The following BICC1 variants were observed in gnomAD, a reference collection of about 807,000 sequenced individuals.
The protein encoded by BICC1 is BicC family RNA binding protein 1.
BICC1 carries 43 observed loss-of-function variants against 111.0 expected under a neutral mutation model. That is an observed-to-expected ratio of 0.39 (90% CI 0.30 to 0.50). The LOEUF (loss-of-function observed/expected upper bound fraction) is 0.50. BICC1 is among the 20% of genes least tolerant of loss of function. The pLI, the probability that BICC1 is intolerant of heterozygous loss-of-function variation, is 0.88. For synonymous variants in BICC1, 467 were observed against 434.4 expected (o/e 1.07, Z -0.93); for missense variants, 1,091 against 1,203.2 (o/e 0.91, Z 1.38).
intron 2 of BICC1, among the ~76,000 whole-genome samples, chr10:58,625,977 A>C (rs1845978529): frequency 6.6e-6 from 1 of 152,218 alleles, no homozygotes; most frequent in African/African-American, 2.4e-5. Flanking sequence ...CTGGCTCATG[A>C]ATGTGCTTTT....
chr10:58,635,941 A>G (rs530006390), intron 2 of BICC1, among the ~76,000 whole-genome samples: 1 of 152,288 alleles, frequency 6.6e-6, no homozygotes, highest in East Asian at 1.9e-4. Flanking sequence ...ACTTCTTTAT[A>G]TGTTAAACTT....
chr10:58,602,926 T>G (rs73288185), intron 1 of BICC1, among the ~76,000 whole-genome samples: 2 of 152,352 alleles, frequency 1.3e-5, no homozygotes, highest in African/African-American at 2.4e-5. Flanking sequence ...CTTGGTCTTC[T>G]TGAGTAAAGA....
chr10:58,763,350 CT>C (rs2132691085), intron 3 of BICC1, among the ~76,000 whole-genome samples: 1 of 152,126 alleles, frequency 6.6e-6, no homozygotes, highest in East Asian at 1.9e-4. Context: ...GATTTTAAAA[CT>C]GTGAGAGTAT....
rs545129505 is a variant in BICC1, at chr10:58,674,004, T to C, written c.238-28070T>C. On this transcript the variant is annotated intron_variant, in intron 2 of 20. Transcript: ENST00000373886. ...CTGGTTGTATTTGTCATACAAGTTA[T>C]GTTCACTGTAGGCCATATTGTGTTT... Among the ~76,000 whole-genome samples the C allele has an allele frequency of 3.4e-4, 52 of 152,354 alleles. 2 individuals carry two copies. The South Asian group carries it at 0.011, about 31-fold the overall frequency.
At chr10:58,796,625 T>A in intron 10 of BICC1, 99 bp downstream of exon 10, 1 of 1,210,308 alleles carries the variant, frequency 8.3e-7, no homozygotes, top group South Asian at 1.7e-5. Flanking sequence ...AAGGCTATTT[T>A]TTTTTCCTTT....
chr10:58,572,169 G>A (rs1202168423), intron 1 of BICC1, among the ~76,000 whole-genome samples: 3 of 151,976 alleles, frequency 2.0e-5, no homozygotes, highest in Admixed American at 6.6e-5. Context: ...CCACTTTTAA[G>A]TGGGATTTTT....
chr10:58,625,038 G>T (rs1248624960), intron 2 of BICC1, among the ~76,000 whole-genome samples: 1 of 152,176 alleles, frequency 6.6e-6, no homozygotes, highest in Non-Finnish European at 1.5e-5. Context: ...GATCCATTCT[G>T]TGTTAAAACT....
intron 3 of BICC1, among the ~76,000 whole-genome samples, chr10:58,747,172 C>T (rs1449160727): frequency 6.6e-6 from 1 of 152,078 alleles, no homozygotes; most frequent in African/African-American, 2.4e-5. Flanking sequence ...GTTATTAAAG[C>T]CTTTTTGGAT....
At chr10:58,528,810 A>G (rs951318825) in intron 1 of BICC1, among the ~76,000 whole-genome samples, 71 of 151,826 alleles carry the variant, frequency 4.7e-4, no homozygotes, top group Non-Finnish European at 1.3e-4. Context: ...AACAATACAA[A>G]CCCAATGGTA....
intron 2 of BICC1, among the ~76,000 whole-genome samples, chr10:58,638,115 A>T (rs1254684985): frequency 2.0e-5 from 3 of 152,116 alleles, no homozygotes; most frequent in Non-Finnish European, 4.4e-5. Context: ...TGTAATTTTA[A>T]CTAATACGAT....
chr10:58,758,424 G>A (rs1842206897), intron 3 of BICC1, among the ~76,000 whole-genome samples: 1 of 152,196 alleles, frequency 6.6e-6, no homozygotes, highest in Non-Finnish European at 1.5e-5. Flanking sequence ...TCCTAGAACA[G>A]GCTATTAAAT....
At chr10:58,643,498 T>C (rs1838182412) in intron 2 of BICC1, among the ~76,000 whole-genome samples, 2 of 152,252 alleles carry the variant, frequency 1.3e-5, no homozygotes, top group Non-Finnish European at 2.9e-5. Flanking sequence ...AATGATAGAA[T>C]TCTTGTATTT....
intron 1 of BICC1, among the ~76,000 whole-genome samples, chr10:58,514,416 C>T (rs549799017): frequency 1.6e-4 from 25 of 152,292 alleles, no homozygotes; most frequent in African/African-American, 5.3e-4. Flanking sequence ...GCATAACTTA[C>T]TTTGACTTTA....
chr10:58,809,181 C>G (rs1843816329), intron 17 of BICC1, among the ~76,000 whole-genome samples: 1 of 151,424 alleles, frequency 6.6e-6, no homozygotes, highest in African/African-American at 2.4e-5. Flanking sequence ...CGCCACAACG[C>G]TCAGCTAAGT....
intron 4 of BICC1, among the ~76,000 whole-genome samples, chr10:58,786,320 CTTTA>C (rs1345803095): frequency 6.6e-6 from 1 of 152,016 alleles, no homozygotes; most frequent in Non-Finnish European, 1.5e-5. Context: ...CTTTGAATTT[CTTTA>C]TTTAAGCCAT....
intron 17 of BICC1, among the ~76,000 whole-genome samples, chr10:58,809,403 C>G (rs1213893798): frequency 6.6e-6 from 1 of 151,798 alleles, no homozygotes; most frequent in African/African-American, 2.4e-5. Context: ...ATGAGACTGG[C>G]TAGTCTTTGT....
intron 1 of BICC1, among the ~76,000 whole-genome samples, chr10:58,612,557 A>G (rs917526472): frequency 6.6e-6 from 1 of 152,030 alleles, no homozygotes; most frequent in African/African-American, 2.4e-5. Context: ...GGTGACCGAA[A>G]AGCACAGCAG....
chr10:58,578,121 G>A (rs1203751881), intron 1 of BICC1, among the ~76,000 whole-genome samples: 1 of 152,104 alleles, frequency 6.6e-6, no homozygotes, highest in Non-Finnish European at 1.5e-5. Flanking sequence ...AGAGGTGGGT[G>A]GGGGTAAAGA....
intron 2 of BICC1, among the ~76,000 whole-genome samples, chr10:58,623,072 A>G (rs1165506505): frequency 1.3e-5 from 2 of 152,294 alleles, no homozygotes; most frequent in East Asian, 3.9e-4. Context: ...CTAGCTTCAT[A>G]GTGCCTCTCC....
Sources: allele counts gnomAD v4.1 joint callset (sites outside exome capture counted in the v4.1 genomes callset), GRCh38; gene constraint gnomAD v4.1.1; transcripts MANE v1.5; gene names NCBI Gene and HGNC (gene_info 2026-07-23, HGNC 2026-07-21).